ESYT2: variants seen among roughly 807,000 people sequenced by gnomAD.
ESYT2 encodes extended synaptotagmin 2, also known as extended synaptotagmin-2.
ESYT2 carries 54 observed loss-of-function variants against 107.2 expected under a neutral mutation model. The observed-to-expected ratio is 0.50, with a 90% CI of 0.40 to 0.63. The LOEUF is 0.63. Ranked by LOEUF, ESYT2 falls within the 30% of genes least tolerant of loss-of-function variation. The probability of loss-of-function intolerance (pLI) is 0.00; values close to 1 mark genes in which losing one functional copy is unlikely to be tolerated. For synonymous variants in ESYT2, 491 were observed against 434.1 expected, an observed-to-expected ratio of 1.13 and a Z score of -1.63; for missense variants, 1,020 against 1,094.5, an observed-to-expected ratio of 0.93 and a Z score of 0.96.
chr7:158,828,947 G>A (rs2129474571), intron 1 of ESYT2, 142 bp downstream of exon 1: 1 of 1,331,850 alleles, frequency 7.5e-7, no homozygotes, highest in Admixed American at 3.3e-5. Flanking sequence ...GGTGGGTGGG[G>A]GACTACGAAG....
At chr7:158,785,140 T>C (rs1408469154) in intron 6 of ESYT2, among the ~76,000 whole-genome samples, 4 of 152,104 alleles carry the variant, frequency 2.6e-5, no homozygotes, top group Non-Finnish European at 5.9e-5. Context: ...TCACCTCTAG[T>C]GGCCGGGCAC....
intron 1 of ESYT2, among the ~76,000 whole-genome samples, chr7:158,822,193 CAA>C (rs1048108615): frequency 6.6e-6 from 1 of 152,066 alleles, no homozygotes; most frequent in Non-Finnish European, 1.5e-5. Flanking sequence ...TAACAAAATG[CAA>C]GAGACGACAA....
chr7:158,746,555 A>G (rs1242072552), intron 16 of ESYT2, among the ~76,000 whole-genome samples: 2 of 152,080 alleles, frequency 1.3e-5, no homozygotes, highest in Admixed American at 1.3e-4. Context: ...TAATAAAGAC[A>G]GTGTGATACT....
rs926293610 is a variant in ESYT2 at position 158,829,094 on chromosome 7, C to A, written c.325G>T (p.Ala109Ser). The part of the protein sequence containing the change: ...RLGVRACDLP[A>S]WVHFPDTERA... ...GGGCAGGGGTCTGCACTCACCCAGGCGGGCAGGTCGCAGGCGCGCACCCCC... is the reference window on the plus strand; with the variant it reads ...GGGCAGGGGTCTGCACTCACCCAGGAGGGCAGGTCGCAGGCGCGCACCCCC... Residue 109 changes from alanine to serine, a missense_variant, in exon 1 of 23, where the codon GCC becomes TCC. By Grantham distance (99) the Ala-to-Ser change is moderately conservative (BLOSUM62 1). Transcript: ENST00000275418. 3 of 1,583,570 alleles carry A rather than the reference C, an allele frequency of 1.9e-6. No individual in the cohort carries two copies. Among genetic ancestry groups the A allele is most frequent in the Admixed American group, 1.7e-5 (1 of 58,818 alleles).
intron 16 of ESYT2, 193 bp from the exon 17 acceptor site, chr7:158,743,871 G>A (rs1241770594): frequency 7.6e-6 from 4 of 525,964 alleles, no homozygotes; most frequent in South Asian, 5.1e-5. Context: ...CCAGGGGTTC[G>A]AGACCAGCCT....
chr7:158,768,261 T>C (rs1401631440), intron 7 of ESYT2, among the ~76,000 whole-genome samples: 1 of 152,220 alleles, frequency 6.6e-6, no homozygotes, highest in African/African-American at 2.4e-5. Context: ...CATTTCTCCG[T>C]TGTTGTACAC....
chr7:158,742,795 A>T (rs1276584489), intron 17 of ESYT2, among the ~76,000 whole-genome samples: 1 of 152,182 alleles, frequency 6.6e-6, no homozygotes, highest in Non-Finnish European at 1.5e-5. Flanking sequence ...GTCTCCCCAC[A>T]CTTTGTATCA....
chr7:158,748,554 T>C (rs1022132986), intron 15 of ESYT2, among the ~76,000 whole-genome samples: 17 of 152,192 alleles, frequency 1.1e-4, no homozygotes, highest in Middle Eastern at 3.4e-3. Context: ...AGATAAAGGC[T>C]TCGTGTGCGT....
chr7:158,794,266 G>A (rs1310001095), intron 3 of ESYT2, among the ~76,000 whole-genome samples: 1 of 152,268 alleles, frequency 6.6e-6, no homozygotes, highest in African/African-American at 2.4e-5. Flanking sequence ...TACCAAGGCA[G>A]AGGACTGCTT....
At chr7:158,806,442 G>C (rs1268670587) in intron 1 of ESYT2, among the ~76,000 whole-genome samples, 4 of 151,928 alleles carry the variant, frequency 2.6e-5, no homozygotes, top group Non-Finnish European at 4.4e-5. Context: ...TTTTTTAAAG[G>C]GGTTAAGCCC....
chr7:158,787,514 A>G (rs1285689316), intron 6 of ESYT2, among the ~76,000 whole-genome samples: 1 of 152,242 alleles, frequency 6.6e-6, no homozygotes, highest in East Asian at 1.9e-4. Flanking sequence ...AGGGAGGTTT[A>G]CAGATGAGTC....
At chr7:158,741,968 G>C in intron 17 of ESYT2, 72 bp from the exon 18 acceptor site, 2 of 1,463,146 alleles carry the variant, frequency 1.4e-6, no homozygotes, top group South Asian at 1.5e-5. Flanking sequence ...AACAGCCTGG[G>C]ATGTCTTTAC....
intron 1 of ESYT2, among the ~76,000 whole-genome samples, chr7:158,806,431 A>AT (rs571249083): frequency 6.6e-6 from 1 of 152,134 alleles, no homozygotes; most frequent in Non-Finnish European, 1.5e-5. Flanking sequence ...CTATCCATTT[A>AT]TTTTTTAAAG....
At chr7:158,756,850 A>T (rs1310199712) in intron 13 of ESYT2, among the ~76,000 whole-genome samples, 1 of 149,256 alleles carries the variant, frequency 6.7e-6, no homozygotes, top group African/African-American at 2.5e-5. Flanking sequence ...TGGAGGTTGC[A>T]GTGAGCCGAG....
At chr7:158,777,709 T>C (rs187980638) in intron 6 of ESYT2, among the ~76,000 whole-genome samples, 23 of 152,240 alleles carry the variant, frequency 1.5e-4, no homozygotes, top group African/African-American at 5.3e-4. Flanking sequence ...CCTTTCTTCA[T>C]AAAATGCCCA....
At chr7:158,786,293 T>G (rs1839113754) in intron 6 of ESYT2, among the ~76,000 whole-genome samples, 2 of 152,230 alleles carry the variant, frequency 1.3e-5, no homozygotes, top group African/African-American at 4.8e-5. Flanking sequence ...TTCTCTAAAT[T>G]GTTAAAAATG....
At chr7:158,759,355 C>A in intron 13 of ESYT2, 131 bp downstream of exon 13, 1 of 660,514 alleles carries the variant, frequency 1.5e-6, no homozygotes, top group Non-Finnish European at 2.6e-6. Flanking sequence ...CACTCTCCTG[C>A]ACTTGGACGT....
intron 6 of ESYT2, among the ~76,000 whole-genome samples, chr7:158,782,081 GAAC>G (rs1439638374): frequency 1.3e-5 from 2 of 151,716 alleles, no homozygotes; most frequent in Admixed American, 1.3e-4. Context: ...GTGTATGTAA[GAAC>G]AAATGTGAGT....
chr7:158,737,083 C>T lies in ESYT2; in HGVS notation c.2364G>A (p.Val788=), dbSNP rs750149909. ...ACACTGGATTTAATGTTTTCTTTGA[C>T]ACGTGTGTTTTCCTCCTTCCTGACC... The part of the protein sequence containing the change: ...KRRSGRRKTH[V]SKKTLNPVFD... The change falls in exon 20 of 23, where the codon GTG becomes GTA. Residue 788 remains valine, a synonymous_variant. Transcript: ENST00000275418. The T allele has an allele frequency of 3.1e-6, 5 of 1,613,756 alleles. No individual in the cohort carries two copies. In the East Asian group the frequency reaches 8.9e-5, roughly 29 times the overall value.
Sources: allele counts gnomAD v4.1 joint callset (sites outside exome capture counted in the v4.1 genomes callset), GRCh38; gene constraint gnomAD v4.1.1; transcripts MANE v1.5; gene names NCBI Gene and HGNC (gene_info 2026-07-23, HGNC 2026-07-21).